CDH4: variants seen among roughly 807,000 people sequenced by gnomAD.
CDH4 encodes cadherin 4.
CDH4 carries 33 observed loss-of-function variants against 86.0 expected under a neutral mutation model. The observed-to-expected ratio is 0.38, with a 90% CI of 0.29 to 0.51. The LOEUF (loss-of-function observed/expected upper bound fraction) is 0.51. Ranked by LOEUF, CDH4 falls within the 20% of genes least tolerant of loss-of-function variation. The pLI is 0.86. For missense variants in CDH4, 1,114 were observed against 1,307.4 expected (o/e 0.85, Z 2.28); for synonymous variants, 555 against 549.4 (o/e 1.01, Z -0.14).
At chr20:61,598,488 C>A (rs1372850760) in intron 2 of CDH4, among the ~76,000 whole-genome samples, 1 of 152,122 alleles carries the variant, frequency 6.6e-6, no homozygotes, top group Non-Finnish European at 1.5e-5. Context: ...CGCCTTTCAG[C>A]CAGAGCCACA....
intron 4 of CDH4, among the ~76,000 whole-genome samples, chr20:61,834,509 C>T (rs1310958209): frequency 6.6e-6 from 1 of 152,180 alleles, no homozygotes; most frequent in Non-Finnish European, 1.5e-5. Context: ...GCAGACAGGT[C>T]CTGTTAGAGG....
intron 2 of CDH4, among the ~76,000 whole-genome samples, chr20:61,576,355 G>A (rs532321853): frequency 6.6e-5 from 10 of 152,226 alleles, no homozygotes; most frequent in Non-Finnish European, 1.0e-4. Context: ...AGGGTTAGGA[G>A]AGAATAAAGG....
At chr20:61,387,834 T>C (rs1440599440) in intron 2 of CDH4, among the ~76,000 whole-genome samples, 1 of 152,082 alleles carries the variant, frequency 6.6e-6, no homozygotes, top group Non-Finnish European at 1.5e-5. Context: ...GCCCCTTCCT[T>C]CCCACTCCTT....
At chr20:61,849,325 G>T (rs1166483128) in intron 5 of CDH4, among the ~76,000 whole-genome samples, 1 of 152,180 alleles carries the variant, frequency 6.6e-6, no homozygotes, top group Admixed American at 6.5e-5. Context: ...GGGTCTTTGG[G>T]GGCAGCTGTG....
chr20:61,619,450 A>G (rs1245715662), intron 2 of CDH4, among the ~76,000 whole-genome samples: 1 of 152,168 alleles, frequency 6.6e-6, no homozygotes. Context: ...CATTCCCTAA[A>G]CTATACCTAA....
chr20:61,265,646 C>T (rs141361727), intron 2 of CDH4, among the ~76,000 whole-genome samples: 41 of 152,308 alleles, frequency 2.7e-4, no homozygotes, highest in African/African-American at 9.4e-4. Context: ...ACATGGACCT[C>T]AATGGTTCCT....
At chr20:61,598,362 C>T (rs1432280230) in intron 2 of CDH4, among the ~76,000 whole-genome samples, 3 of 151,442 alleles carry the variant, frequency 2.0e-5, no homozygotes, top group Admixed American at 6.6e-5. Flanking sequence ...CCACTGTCAC[C>T]TCAGGGGCTG....
intron 2 of CDH4, among the ~76,000 whole-genome samples, chr20:61,660,122 G>A (rs1343565303): frequency 6.6e-6 from 1 of 152,172 alleles, no homozygotes; most frequent in African/African-American, 2.4e-5. Flanking sequence ...ACAGGTGGCT[G>A]CGGCCGGCTG....
At chr20:61,624,384 G>A (rs1282427582) in intron 2 of CDH4, among the ~76,000 whole-genome samples, 2 of 152,226 alleles carry the variant, frequency 1.3e-5, no homozygotes, top group South Asian at 2.1e-4. Flanking sequence ...GGGCAGACAT[G>A]GAGTCAGGGC....
intron 2 of CDH4, among the ~76,000 whole-genome samples, chr20:61,712,143 G>A (rs1435032606): frequency 6.6e-6 from 1 of 152,196 alleles, no homozygotes; most frequent in Admixed American, 6.5e-5. Flanking sequence ...TGAGAAGCCA[G>A]GAGAGGCTGG....
chr20:61,782,708 A>G (rs1468386526), intron 4 of CDH4, among the ~76,000 whole-genome samples: 1 of 152,238 alleles, frequency 6.6e-6, no homozygotes, highest in Admixed American at 6.5e-5. Context: ...TTGCTGGTTA[A>G]GTGGTCCAAT....
intron 2 of CDH4, chr20:61,719,356 C>T: frequency 3.2e-6 from 1 of 310,850 alleles, no homozygotes; most frequent in Non-Finnish European, 6.7e-6. Context: ...GTTTTTATTC[C>T]TTGCTTTCAA....
intron 2 of CDH4, among the ~76,000 whole-genome samples, chr20:61,583,945 G>A (rs1180628304): frequency 6.6e-6 from 1 of 152,166 alleles, no homozygotes; most frequent in Non-Finnish European, 1.5e-5. Flanking sequence ...GATTGCTTGA[G>A]GCCAGGAGTT....
chr20:61,297,851 T>C (rs963557324), intron 2 of CDH4, among the ~76,000 whole-genome samples: 5 of 152,242 alleles, frequency 3.3e-5, no homozygotes, highest in African/African-American at 1.2e-4. Context: ...CAGGAATCCG[T>C]GGGGAACCAG....
chr20:61,631,413 G>A (rs1269050704), intron 2 of CDH4, among the ~76,000 whole-genome samples: 2 of 152,202 alleles, frequency 1.3e-5, no homozygotes, highest in Non-Finnish European at 2.9e-5. Flanking sequence ...ACCGAGGAGG[G>A]CAGATCATCT....
chr20:61,862,744 AGG>A (rs1983383761), intron 6 of CDH4, among the ~76,000 whole-genome samples: 1 of 152,256 alleles, frequency 6.6e-6, no homozygotes, highest in Admixed American at 6.5e-5. Flanking sequence ...TTAACTAAAA[AGG>A]GCTCTAATCG....
chr20:61,849,422 C>T (rs955351706), intron 5 of CDH4, among the ~76,000 whole-genome samples: 4 of 152,200 alleles, frequency 2.6e-5, no homozygotes, highest in South Asian at 2.1e-4. Context: ...ATGAGTTCAC[C>T]GTGCTGTAGG....
intron 2 of CDH4, among the ~76,000 whole-genome samples, chr20:61,597,776 C>G (rs2086567707): frequency 6.6e-6 from 1 of 152,010 alleles, no homozygotes; most frequent in Non-Finnish European, 1.5e-5. Flanking sequence ...AACCTGAGGT[C>G]AAAAATGTTC....
At chr20:61,653,560 G>GA (rs2087150127) in intron 2 of CDH4, among the ~76,000 whole-genome samples, 2 of 131,104 alleles carry the variant, frequency 1.5e-5, no homozygotes, top group Non-Finnish European at 3.4e-5. Flanking sequence ...CTGGCCAGGC[G>GA]GGGGCTGACC....
Sources: gnomAD v4.1 joint callset for allele counts (sites outside exome capture counted in the v4.1 genomes callset) on GRCh38, gnomAD v4.1.1 for gene constraint, MANE v1.5 for transcripts, NCBI Gene and HGNC (gene_info 2026-07-23, HGNC 2026-07-21) for gene names.